GPC3: variants seen among roughly 807,000 people sequenced by gnomAD.
GPC3 encodes the protein glypican-3.
In GPC3, 3 loss-of-function variants were observed where a neutral mutation model predicts 34.4. The ratio of observed to expected loss-of-function variants is 0.09; its 90% confidence interval spans 0.04 to 0.23. The LOEUF is 0.23. GPC3 is among the 10% of genes least tolerant of loss of function. The probability of loss-of-function intolerance (pLI) is 1.00; values close to 1 mark genes in which losing one functional copy is unlikely to be tolerated. For missense variants in GPC3, 351 were observed against 445.6 expected, an observed-to-expected ratio of 0.79 and a Z score of 1.91; for synonymous variants, 177 against 174.0, an observed-to-expected ratio of 1.02 and a Z score of -0.13.
intron 7 of GPC3, among the ~76,000 whole-genome samples, chrX:133,580,982 G>A (rs984533017): frequency 8.9e-6 from 1 of 112,342 alleles, no homozygotes; most frequent in Admixed American, 9.4e-5. Context: ...AATGTAACCT[G>A]ATATTAGGAG....
At chrX:133,578,360 A>G (rs2069704796) in intron 7 of GPC3, among the ~76,000 whole-genome samples, 1 of 109,530 alleles carries the variant, frequency 9.1e-6, no homozygotes, top group African/African-American at 3.5e-5. Flanking sequence ...CTTCACTTGC[A>G]CTCACTTGCC....
intron 5 of GPC3, among the ~76,000 whole-genome samples, chrX:133,662,347 TATC>T (rs2070735338): frequency 1.8e-5 from 2 of 112,082 alleles, no homozygotes; most frequent in African/African-American, 6.5e-5. Context: ...TGGAGCTGGG[TATC>T]TATTCAGGAG....
chrX:133,819,872 A>T, intron 2 of GPC3, among the ~76,000 whole-genome samples: 1 of 112,273 alleles, frequency 8.9e-6, no homozygotes, highest in Non-Finnish European at 1.9e-5. Context: ...AAACTTGCTC[A>T]AGGTTATACA....
chrX:133,695,337 G>A (rs952127819), intron 4 of GPC3, among the ~76,000 whole-genome samples: 1 of 112,230 alleles, frequency 8.9e-6, no homozygotes, highest in African/African-American at 3.2e-5. Flanking sequence ...AATCTACTGT[G>A]ATGATGGTTG....
At chrX:133,605,560 T>C (rs2070040388) in intron 6 of GPC3, among the ~76,000 whole-genome samples, 1 of 111,921 alleles carries the variant, frequency 8.9e-6, no homozygotes, top group Admixed American at 9.5e-5. Flanking sequence ...ATTAAATGGA[T>C]GAATGAACAA....
chrX:133,917,379 G>T (rs1251568279), intron 2 of GPC3, among the ~76,000 whole-genome samples: 1 of 111,819 alleles, frequency 8.9e-6, no homozygotes, highest in Non-Finnish European at 1.9e-5. Flanking sequence ...AGACATACTT[G>T]ATCCCAACTG....
intron 7 of GPC3, among the ~76,000 whole-genome samples, chrX:133,549,782 C>T (rs1448200900): frequency 1.1e-5 from 1 of 91,649 alleles, no homozygotes; most frequent in Admixed American, 1.2e-4. Context: ...CCTCTCTCTC[C>T]CTCCCTCCCT....
chrX:133,985,201 C>A, intron 1 of GPC3, 74 bp downstream of exon 1: 1 of 1,101,380 alleles, frequency 9.1e-7, no homozygotes, highest in African/African-American at 1.8e-5. Flanking sequence ...GGGGCTAGCG[C>A]GCTCAGGGTA....
chrX:133,674,190 G>A (rs1441110788), intron 5 of GPC3, among the ~76,000 whole-genome samples: 1 of 110,811 alleles, frequency 9.0e-6, no homozygotes. Context: ...TGGTGTCACT[G>A]TACTCCAGCC....
intron 7 of GPC3, among the ~76,000 whole-genome samples, chrX:133,560,055 C>T (rs1332213463): frequency 1.8e-5 from 2 of 111,740 alleles, no homozygotes; most frequent in Non-Finnish European, 3.8e-5. Context: ...AACCCAGGGC[C>T]GGATGTTCGG....
chrX:133,760,770 C>T (rs1356804437), intron 2 of GPC3, among the ~76,000 whole-genome samples: 2 of 111,273 alleles, frequency 1.8e-5, no homozygotes, highest in Non-Finnish European at 3.8e-5. Context: ...TTAATGTAAA[C>T]ATATGGGCTT....
chrX:133,822,648 C>T (rs1205407050), intron 2 of GPC3, among the ~76,000 whole-genome samples: 2 of 111,348 alleles, frequency 1.8e-5, no homozygotes, highest in African/African-American at 6.5e-5. Flanking sequence ...CTTGAGATTT[C>T]AGGCATCCAC....
At chrX:133,621,779 T>C (rs1260802257) in intron 6 of GPC3, among the ~76,000 whole-genome samples, 2 of 112,340 alleles carry the variant, frequency 1.8e-5, no homozygotes, top group African/African-American at 3.2e-5. Context: ...TAAACGTTCC[T>C]GTCTGACAGC....
At chrX:133,629,862 A>C (rs778069805) in intron 6 of GPC3, among the ~76,000 whole-genome samples, 2 of 109,585 alleles carry the variant, frequency 1.8e-5, no homozygotes, top group East Asian at 3.0e-4. Flanking sequence ...CGAGACCAGC[A>C]TGACCAACAT....
intron 6 of GPC3, among the ~76,000 whole-genome samples, chrX:133,636,355 G>A (rs1005485520): frequency 2.0e-4 from 22 of 111,997 alleles, no homozygotes; most frequent in African/African-American, 7.1e-4. Flanking sequence ...AGGAGATCAG[G>A]GCAAACTCTC....
chrX:133,879,789 G>C (rs1169918694), intron 2 of GPC3, among the ~76,000 whole-genome samples: 4 of 102,455 alleles, frequency 3.9e-5, no homozygotes, highest in African/African-American at 1.5e-4. Context: ...CTGGGCAACA[G>C]AGTGAGACTC....
intron 2 of GPC3, among the ~76,000 whole-genome samples, chrX:133,769,865 T>C (rs1299043284): frequency 8.9e-6 from 1 of 112,507 alleles, no homozygotes; most frequent in African/African-American, 3.2e-5. Context: ...ATAACAGTTC[T>C]GTATACGAAA....
In GPC3 at chrX:133,555,976, AC is replaced by A. The variant is rs759831624; in HGVS notation, c.1574-19684del. 7.2e-5 allele frequency among the ~76,000 whole-genome samples: 8 copies of A among 110,841 alleles called. 1 individual carries two copies. The highest frequency in any genetic ancestry group is 2.6e-4 in the African/African-American group (8 of 30,493). On this transcript the variant is annotated intron_variant, in intron 7 of 7. Transcript: ENST00000370818. Reference sequence around the variant, plus strand: ...TGCCCAATCCAGAAACCTGCCAGCCACCCCCAGATTCCTCCTCCTTTTTCAT... The same window carrying A: ...TGCCCAATCCAGAAACCTGCCAGCCACCCCAGATTCCTCCTCCTTTTTCAT...
intron 7 of GPC3, among the ~76,000 whole-genome samples, chrX:133,585,117 T>C (rs757222210): frequency 3.6e-5 from 4 of 111,771 alleles, no homozygotes; most frequent in Non-Finnish European, 5.6e-5. Context: ...AGTAACTTCG[T>C]TCCTACCAGT....
Sources: gnomAD v4.1 joint callset for allele counts (sites outside exome capture counted in the v4.1 genomes callset) on GRCh38, gnomAD v4.1.1 for gene constraint, MANE v1.5 for transcripts, NCBI Gene and HGNC (gene_info 2026-07-23, HGNC 2026-07-21) for gene names.